ITGA1: variants seen among roughly 807,000 people sequenced by gnomAD.
ITGA1 encodes integrin alpha-1.
ITGA1 carries 85 observed loss-of-function variants against 145.9 expected under a neutral mutation model. The ratio of observed to expected loss-of-function variants is 0.58; its 90% CI spans 0.49 to 0.70. ITGA1 has a LOEUF of 0.70. Among genes scored for constraint, ITGA1 ranks in the 30% least tolerant of loss-of-function variants. ITGA1 has a pLI of 0.00. For synonymous variants in ITGA1, 520 were observed against 495.3 expected, an observed-to-expected ratio of 1.05 and a Z score of -0.66; for missense variants, 1,351 against 1,418.7, an observed-to-expected ratio of 0.95 and a Z score of 0.77.
At chr5:52,813,418 A>G (rs56356805) in intron 1 of ITGA1, among the ~76,000 whole-genome samples, 45,610 of 152,088 alleles carry the variant, frequency 0.3, 7,319 homozygotes, top group African/African-American at 0.42. Flanking sequence ...ACAGACTACA[A>G]TTATCTTACT....
At chr5:52,861,686 CCTGACG>C (rs1247002055) in intron 3 of ITGA1, 127 bp downstream of exon 3, 1 of 627,930 alleles carries the variant, frequency 1.6e-6, no homozygotes, top group Non-Finnish European at 2.9e-6. Flanking sequence ...GCCTGGGCAA[CCTGACG>C]AAACCTCATC....
rs576208253 is a variant in ITGA1 at position 52,918,106 on chromosome 5, C to T, written c.1989-626C>T. Among the ~76,000 whole-genome samples the T allele has an allele frequency of 1.3e-3, 199 of 152,252 alleles. 2 individuals carry two copies. The South Asian group carries it at 0.017, about 13-fold the overall frequency. On this transcript the variant is annotated intron_variant, in intron 15 of 28. Coordinates refer to ENST00000282588, the MANE Select transcript of ITGA1 (RefSeq NM_181501.2). ...ACATTACTGGGCTTTCGAGTTAAAACGACTGAGTTTAAAATCCCAGGTTTT... is the reference window on the plus strand; with the variant it reads ...ACATTACTGGGCTTTCGAGTTAAAATGACTGAGTTTAAAATCCCAGGTTTT...
intron 6 of ITGA1, among the ~76,000 whole-genome samples, chr5:52,877,115 T>A (rs538724216): frequency 2.0e-5 from 3 of 152,292 alleles, no homozygotes; most frequent in East Asian, 1.9e-4. Flanking sequence ...TTTTAAAAAA[T>A]TAGAATAAAA....
At chr5:52,899,745 T>C (rs950554891) in intron 11 of ITGA1, among the ~76,000 whole-genome samples, 3 of 152,206 alleles carry the variant, frequency 2.0e-5, no homozygotes, top group African/African-American at 7.2e-5. Context: ...ATTTGGAGGA[T>C]TGTGATATAA....
At chr5:52,840,352 G>A (rs1203452380) in intron 1 of ITGA1, among the ~76,000 whole-genome samples, 1 of 152,150 alleles carries the variant, frequency 6.6e-6, no homozygotes. Flanking sequence ...GTGCAGTCAC[G>A]GAAATTAATG....
At chr5:52,849,586 T>C in intron 2 of ITGA1, 101 bp downstream of exon 2, 1 of 1,077,158 alleles carries the variant, frequency 9.3e-7, no homozygotes, top group African/African-American at 1.6e-5. Flanking sequence ...TTTAACAGAA[T>C]GAATTATTTA....
intron 6 of ITGA1, among the ~76,000 whole-genome samples, chr5:52,875,592 A>G (rs1379760034): frequency 6.6e-6 from 1 of 152,182 alleles, no homozygotes; most frequent in East Asian, 1.9e-4. Flanking sequence ...TTCCTTCTGC[A>G]TGTGACTCCT....
chr5:52,853,209 C>T (rs1749455384), intron 2 of ITGA1, among the ~76,000 whole-genome samples: 1 of 152,148 alleles, frequency 6.6e-6, no homozygotes, highest in Non-Finnish European at 1.5e-5. Flanking sequence ...AAGCAAATTA[C>T]AAATACCTAA....
At chr5:52,788,577 C>T (rs1409561024) in intron 1 of ITGA1, among the ~76,000 whole-genome samples, 163 bp downstream of exon 1, 3 of 152,200 alleles carry the variant, frequency 2.0e-5, no homozygotes, top group African/African-American at 7.2e-5. Context: ...GCAGGAGTTT[C>T]GCGTTCTGGT....
At chr5:52,941,537 A>G (rs1003981302) in intron 26 of ITGA1, among the ~76,000 whole-genome samples, 3 of 152,158 alleles carry the variant, frequency 2.0e-5, no homozygotes, top group African/African-American at 7.2e-5. Flanking sequence ...AGTGATAATG[A>G]GAGTTTTTTC....
At chr5:52,831,264 C>G (rs1370773332) in intron 1 of ITGA1, among the ~76,000 whole-genome samples, 1 of 152,046 alleles carries the variant, frequency 6.6e-6, no homozygotes, top group Non-Finnish European at 1.5e-5. Flanking sequence ...TCCCGAGTAG[C>G]TGGGATTACA....
chr5:52,862,949 T>A (rs975877089), intron 3 of ITGA1, among the ~76,000 whole-genome samples: 1 of 152,214 alleles, frequency 6.6e-6, no homozygotes, highest in African/African-American at 2.4e-5. Flanking sequence ...TGCTTTAATA[T>A]CCTTGCCTGA....
At chr5:52,898,682 A>C (rs1280124775) in intron 11 of ITGA1, among the ~76,000 whole-genome samples, 2 of 152,104 alleles carry the variant, frequency 1.3e-5, no homozygotes, top group Non-Finnish European at 2.9e-5. Flanking sequence ...CTTTAACTTC[A>C]AGGAGAACTT....
At chr5:52,892,286 A>G (rs1345888955) in intron 8 of ITGA1, among the ~76,000 whole-genome samples, 1 of 152,144 alleles carries the variant, frequency 6.6e-6, no homozygotes, top group Non-Finnish European at 1.5e-5. Flanking sequence ...AGACACCACT[A>G]TACGCTAACA....
chr5:52,822,892 A>G (rs1298720522), intron 1 of ITGA1, among the ~76,000 whole-genome samples: 1 of 152,200 alleles, frequency 6.6e-6, no homozygotes, highest in Non-Finnish European at 1.5e-5. Flanking sequence ...GCCACAGTAT[A>G]TTAGGCAAAA....
intron 6 of ITGA1, among the ~76,000 whole-genome samples, chr5:52,878,530 G>A (rs973616805): frequency 6.6e-6 from 1 of 152,194 alleles, no homozygotes; most frequent in Non-Finnish European, 1.5e-5. Flanking sequence ...TAACACACAT[G>A]TGGCAAAAAG....
At chr5:52,858,946 A>T (rs1412268200) in intron 2 of ITGA1, among the ~76,000 whole-genome samples, 1 of 152,192 alleles carries the variant, frequency 6.6e-6, no homozygotes, top group Non-Finnish European at 1.5e-5. Flanking sequence ...GGAGTAATTG[A>T]CTTGTCCTAA....
At chr5:52,871,703 C>A (rs1749779048) in intron 6 of ITGA1, among the ~76,000 whole-genome samples, 1 of 149,082 alleles carries the variant, frequency 6.7e-6, no homozygotes, top group African/African-American at 2.5e-5. Context: ...TAGGGAAATA[C>A]AACACAACGA....
chr5:52,800,426 A>C (rs1254160869), intron 1 of ITGA1: 1 of 1,613,948 alleles, frequency 6.2e-7, no homozygotes, highest in Admixed American at 1.7e-5. Flanking sequence ...ATCGAGAAGG[A>C]CAATGCGGGC....
Sources: allele counts gnomAD v4.1 joint callset (sites outside exome capture counted in the v4.1 genomes callset), GRCh38; gene constraint gnomAD v4.1.1; transcripts MANE v1.5; gene names NCBI Gene and HGNC (gene_info 2026-07-23, HGNC 2026-07-21).